PDE10A: variants seen among roughly 807,000 people sequenced by gnomAD.
The protein encoded by PDE10A is cAMP and cAMP-inhibited cGMP 3',5'-cyclic phosphodiesterase 10A.
PDE10A carries 39 observed loss-of-function variants against 97.7 expected under a neutral mutation model. The ratio of observed to expected loss-of-function variants is 0.40; its 90% CI spans 0.31 to 0.52. The LOEUF is 0.52. Among genes scored for constraint, PDE10A ranks in the 20% least tolerant of loss-of-function variants. PDE10A has a pLI of 0.56. For synonymous variants in PDE10A, 371 were observed against 376.8 expected, an observed-to-expected ratio of 0.98 and a Z score of 0.18; for missense variants, 731 against 1,047.8, an observed-to-expected ratio of 0.70 and a Z score of 4.17.
chr6:165,816,376 G>T (rs991438301), intron 1 of PDE10A, among the ~76,000 whole-genome samples: 2 of 152,182 alleles, frequency 1.3e-5, no homozygotes, highest in Middle Eastern at 3.2e-3. Context: ...GCTAGTTCCC[G>T]TAAGGGATTC....
intron 1 of PDE10A, among the ~76,000 whole-genome samples, chr6:165,891,115 A>G (rs1781780117): frequency 6.6e-6 from 1 of 152,292 alleles, no homozygotes; most frequent in Non-Finnish European, 1.5e-5. Context: ...GTTGTCACCC[A>G]TTGCGTTCCT....
At chr6:165,636,893 T>C (rs1323972587) in intron 1 of PDE10A, among the ~76,000 whole-genome samples, 1 of 152,094 alleles carries the variant, frequency 6.6e-6, no homozygotes, top group African/African-American at 2.4e-5. Flanking sequence ...TTAGTATCTG[T>C]AAAATAAAGG....
intron 1 of PDE10A, among the ~76,000 whole-genome samples, chr6:165,960,986 G>C (rs1328700413): frequency 1.3e-5 from 2 of 152,144 alleles, no homozygotes; most frequent in Admixed American, 1.3e-4. Context: ...CGTTGCCGGG[G>C]AGTGTGGCAG....
At chr6:165,534,732 C>T (rs1210292921) in intron 2 of PDE10A, among the ~76,000 whole-genome samples, 1 of 151,880 alleles carries the variant, frequency 6.6e-6, no homozygotes, top group East Asian at 1.9e-4. Flanking sequence ...AAAAAGCATT[C>T]AATAAAATTC....
chr6:165,652,965 C>T (rs996879164), intron 1 of PDE10A, among the ~76,000 whole-genome samples: 2 of 152,204 alleles, frequency 1.3e-5, no homozygotes, highest in African/African-American at 2.4e-5. Context: ...CCAAGCCATG[C>T]CCCACCAGCT....
chr6:165,657,873 C>G (rs371776104), intron 1 of PDE10A, among the ~76,000 whole-genome samples: 1 of 152,218 alleles, frequency 6.6e-6, no homozygotes, highest in Admixed American at 6.5e-5. Flanking sequence ...GTGACACTCA[C>G]GTCCACACCC....
chr6:165,691,201 CCCCACACACACACA>C (rs1470244897), intron 1 of PDE10A, among the ~76,000 whole-genome samples: 2 of 24,012 alleles, frequency 8.3e-5, no homozygotes, highest in East Asian at 8.5e-4. Context: ...CTCTCTCTCT[CCCCACACACACACA>C]CACACACACA....
chr6:165,370,113 G>C (rs565872769), intron 18 of PDE10A, among the ~76,000 whole-genome samples: 1 of 151,896 alleles, frequency 6.6e-6, no homozygotes, highest in Non-Finnish European at 1.5e-5. Flanking sequence ...CGGTACAGCC[G>C]CTGCAAAATC....
At chr6:165,343,846 A>G (rs765344393) in intron 18 of PDE10A, among the ~76,000 whole-genome samples, 6 of 152,168 alleles carry the variant, frequency 3.9e-5, no homozygotes, top group Non-Finnish European at 7.4e-5. Flanking sequence ...ATTTTCATTG[A>G]ATTTTGGAAA....
intron 5 of PDE10A, among the ~76,000 whole-genome samples, chr6:165,440,373 A>C (rs772723351): frequency 6.6e-6 from 1 of 152,118 alleles, no homozygotes; most frequent in Admixed American, 6.6e-5. Flanking sequence ...CTGCTCTTCC[A>C]TTTTTCCCAA....
intron 1 of PDE10A, among the ~76,000 whole-genome samples, chr6:165,908,243 G>T (rs1401179806): frequency 6.6e-6 from 1 of 152,210 alleles, no homozygotes; most frequent in African/African-American, 2.4e-5. Context: ...GCCAGCGAGG[G>T]CTGCCATGCA....
intron 1 of PDE10A, among the ~76,000 whole-genome samples, chr6:165,703,033 G>C (rs182859096): frequency 1.3e-5 from 2 of 152,154 alleles, no homozygotes; most frequent in Non-Finnish European, 2.9e-5. Flanking sequence ...AACACGATTC[G>C]GCATCTCTTA....
intron 1 of PDE10A, among the ~76,000 whole-genome samples, chr6:165,787,257 C>T (rs557971044): frequency 6.6e-6 from 1 of 151,990 alleles, no homozygotes. Context: ...AGACAAAAGA[C>T]CCACAAGTTC....
chr6:165,550,923 G>A (rs1436653901), intron 1 of PDE10A, among the ~76,000 whole-genome samples: 2 of 152,132 alleles, frequency 1.3e-5, no homozygotes, highest in African/African-American at 2.4e-5. Context: ...ACACATTTAC[G>A]TTAAAAAATC....
chr6:165,884,007 T>A (rs1781562432), intron 1 of PDE10A, among the ~76,000 whole-genome samples: 2 of 152,140 alleles, frequency 1.3e-5, no homozygotes, highest in Admixed American at 1.3e-4. Context: ...CCAGGGCATC[T>A]GCGTGCCTGA....
intron 1 of PDE10A, among the ~76,000 whole-genome samples, chr6:165,798,769 A>G (rs1778897912): frequency 6.6e-6 from 1 of 152,202 alleles, no homozygotes; most frequent in Non-Finnish European, 1.5e-5. Flanking sequence ...ACTGGAGTGC[A>G]GTGGCATGAT....
intron 1 of PDE10A, among the ~76,000 whole-genome samples, chr6:165,561,562 G>A (rs1294228440): frequency 6.6e-6 from 1 of 152,202 alleles, no homozygotes; most frequent in Non-Finnish European, 1.5e-5. Context: ...TGCTGTTGCT[G>A]TAAAAGTGTT....
chr6:165,667,286 T>A (rs554477250), upstream of PDE10A, among the ~76,000 whole-genome samples: 11 of 152,242 alleles, frequency 7.2e-5, no homozygotes, highest in Admixed American at 2.0e-4. Flanking sequence ...TTTGTGAGAT[T>A]TTGGTGCACG....
At chr6:165,492,609 A>C (rs1179880110) in intron 2 of PDE10A, among the ~76,000 whole-genome samples, 1 of 152,198 alleles carries the variant, frequency 6.6e-6, no homozygotes. Flanking sequence ...AACTCAATAG[A>C]TGCAGAAAAA....
Sources: gnomAD v4.1 joint callset for allele counts (sites outside exome capture counted in the v4.1 genomes callset) on GRCh38, gnomAD v4.1.1 for gene constraint, MANE v1.5 for transcripts, NCBI Gene and HGNC (gene_info 2026-07-23, HGNC 2026-07-21) for gene names.